CD96: variants seen among roughly 807,000 people sequenced by gnomAD.
The protein encoded by CD96 is CD96 molecule.
CD96 carries 70 observed loss-of-function variants against 71.3 expected under a neutral mutation model. The ratio of observed to expected loss-of-function variants is 0.98; its 90% CI spans 0.81 to 1.20. The LOEUF is 1.20. Ranked by LOEUF, CD96 falls within the 50% of genes most tolerant of loss-of-function variation. The probability of loss-of-function intolerance (pLI) is 0.00; values close to 1 mark genes in which losing one functional copy is unlikely to be tolerated. For synonymous variants in CD96, 248 were observed against 233.0 expected, an observed-to-expected ratio of 1.06 and a Z score of -0.59; for missense variants, 742 against 677.5, an observed-to-expected ratio of 1.10 and a Z score of -1.06.
rs151003757 is a variant in CD96, at chr3:111,652,284, C to T, written c.*2478C>T. ...CTTATTAGTTCTCAAGAAACAAATG[C>T]TAGCTTCATATGTATGGCTGTTGCT... is the stretch of plus-strand genomic sequence containing the variant. On this transcript the variant is annotated 3_prime_UTR_variant, in exon 14 of 14. Transcript: ENST00000352690. 1 of 152,252 alleles carries T rather than the reference C, an allele frequency of 6.6e-6. No homozygotes were observed. Among genetic ancestry groups the T allele is most frequent in the East Asian group, 1.9e-4 (1 of 5,182 alleles). 9.4% of individuals were successfully genotyped at this position (152,252 alleles called of 1,614,324 possible).
intron 4 of CD96, among the ~76,000 whole-genome samples, chr3:111,583,854 C>G (rs1441486768): frequency 1.3e-5 from 2 of 152,214 alleles, no homozygotes; most frequent in African/African-American, 4.8e-5. Context: ...ATGGGAGGGG[C>G]TGCTGTGAAG....
chr3:111,631,375 A>T (rs780338540), intron 10 of CD96, among the ~76,000 whole-genome samples: 1 of 152,178 alleles, frequency 6.6e-6, no homozygotes, highest in Admixed American at 6.5e-5. Context: ...CAGCCAAATC[A>T]TGAATGAATT....
At chr3:111,583,795 G>A (rs555483592) in intron 4 of CD96, among the ~76,000 whole-genome samples, 1 of 152,288 alleles carries the variant, frequency 6.6e-6, no homozygotes, top group Non-Finnish European at 1.5e-5. Context: ...AGGGGACCCT[G>A]GGCCCAGCCC....
intron 14 of CD96, among the ~76,000 whole-genome samples, chr3:111,660,466 A>G (rs993334357): frequency 6.6e-6 from 1 of 152,240 alleles, no homozygotes; most frequent in African/African-American, 2.4e-5. Context: ...ATTCAATGCT[A>G]TTTCTATCAA....
At chr3:111,624,253 T>G (rs1938639188) in intron 9 of CD96, 80 bp from the exon 10 acceptor site, 2 of 938,034 alleles carry the variant, frequency 2.1e-6, no homozygotes, top group South Asian at 2.6e-5. Context: ...TCACATAGAT[T>G]AAAAATTCTG....
At chr3:111,555,135 AG>A (rs1268581536) in intron 2 of CD96, among the ~76,000 whole-genome samples, 21 of 152,104 alleles carry the variant, frequency 1.4e-4, no homozygotes, top group African/African-American at 5.1e-4. Flanking sequence ...ATTCCTTAAC[AG>A]GCCACGGACA....
chr3:111,600,147 T>TAA (rs1404626247), intron 6 of CD96, among the ~76,000 whole-genome samples: 2 of 152,176 alleles, frequency 1.3e-5, no homozygotes, highest in African/African-American at 4.8e-5. Context: ...ATCCTACACT[T>TAA]ACAGCCAGGA....
chr3:111,647,503 G>A lies in CD96; in HGVS notation c.1478-40G>A, dbSNP rs897289849. The A allele has an allele frequency of 4.4e-6, 7 of 1,601,930 alleles. No homozygotes were observed. In the Admixed American group the frequency reaches 6.7e-5, roughly 15 times the overall value. On this transcript the variant is annotated intron_variant, in intron 12 of 13. Coordinates refer to ENST00000352690, the MANE Select transcript of CD96 (RefSeq NM_005816.5). Reference sequence around the variant, plus strand: ...TTAATCCTGTTTTCCAAATGCCAAAGTTTGGGATTAAAGTTCATCTTTCTT... The same window carrying A: ...TTAATCCTGTTTTCCAAATGCCAAAATTTGGGATTAAAGTTCATCTTTCTT...
At chr3:111,585,980 G>A (rs1936695840) in intron 5 of CD96, among the ~76,000 whole-genome samples, 2 of 152,092 alleles carry the variant, frequency 1.3e-5, no homozygotes, top group African/African-American at 4.8e-5. Context: ...TTTCTCTTGC[G>A]AGCTGTGACC....
intron 8 of CD96, among the ~76,000 whole-genome samples, chr3:111,616,262 A>G (rs566342889): frequency 5.1e-4 from 78 of 152,350 alleles, no homozygotes; most frequent in Middle Eastern, 3.4e-3. Context: ...ACCAATAAGT[A>G]TTGATAATTC....
chr3:111,553,405 G>C (rs1934821045), intron 2 of CD96, among the ~76,000 whole-genome samples: 1 of 149,424 alleles, frequency 6.7e-6, no homozygotes, highest in Non-Finnish European at 1.5e-5. Flanking sequence ...TCTTGACAGA[G>C]ACTTGATAAC....
chr3:111,564,516 TTG>T (rs978801651), intron 2 of CD96, among the ~76,000 whole-genome samples: 3 of 152,142 alleles, frequency 2.0e-5, no homozygotes, highest in Non-Finnish European at 4.4e-5. Context: ...TACCTATGTT[TTG>T]TAAGCTTTTT....
chr3:111,542,872 G>A (rs999696599), intron 1 of CD96, among the ~76,000 whole-genome samples: 18 of 152,176 alleles, frequency 1.2e-4, no homozygotes, highest in African/African-American at 4.1e-4. Context: ...AGCCTAATGG[G>A]CCTATTTAAA....
At chr3:111,561,810 C>T (rs1418846874) in intron 2 of CD96, among the ~76,000 whole-genome samples, 3 of 150,374 alleles carry the variant, frequency 2.0e-5, no homozygotes, top group African/African-American at 4.9e-5. Flanking sequence ...CCCCCAGCCT[C>T]GCTGCCGACT....
chr3:111,546,114 AG>A (rs961605735), intron 2 of CD96, among the ~76,000 whole-genome samples: 8 of 152,196 alleles, frequency 5.3e-5, no homozygotes, highest in Non-Finnish European at 1.0e-4. Context: ...AGAGAGTGGT[AG>A]TTCAGGTAGA....
chr3:111,607,977 T>C (rs1383931569), intron 8 of CD96, among the ~76,000 whole-genome samples: 2 of 152,258 alleles, frequency 1.3e-5, no homozygotes, highest in Non-Finnish European at 2.9e-5. Context: ...TATCCATTGC[T>C]GCATTAAAAA....
intron 5 of CD96, among the ~76,000 whole-genome samples, chr3:111,588,788 A>G (rs1243230613): frequency 6.6e-6 from 1 of 152,168 alleles, no homozygotes; most frequent in Non-Finnish European, 1.5e-5. Context: ...CAGCCAAACC[A>G]TATCACTGCT....
intron 5 of CD96, among the ~76,000 whole-genome samples, chr3:111,591,592 C>CT (rs889065497): frequency 1.3e-5 from 2 of 151,922 alleles, no homozygotes; most frequent in Non-Finnish European, 2.9e-5. Flanking sequence ...TTACAGCCTC[C>CT]TTTTTTTTCC....
rs1007680582 is a variant in CD96 at position 111,650,402 on chromosome 3, T to C, written c.*596T>C. The C allele has an allele frequency of 6.2e-6, 1 of 162,336 alleles. No homozygotes were observed. Among genetic ancestry groups the C allele is most frequent in the East Asian group, 1.7e-4 (1 of 5,946 alleles). The allele number at this position is 162,336 out of a possible 1,614,324, so 10.1% of individuals were successfully genotyped here. A position where few individuals can be genotyped will look rare whatever the true frequency, so the allele number is the denominator to read the frequency against. On this transcript the variant is annotated 3_prime_UTR_variant, in exon 14 of 14. Coordinates refer to ENST00000352690, the MANE Select transcript of CD96 (RefSeq NM_005816.5). The stretch of plus-strand genomic sequence containing the variant: ...CCTCCTTCACTGTCTTCCTACCATG[T>C]TCAGCCCAGACTCCTGCCACATGGA...
Sources: gnomAD v4.1 joint callset for allele counts (sites outside exome capture counted in the v4.1 genomes callset) on GRCh38, gnomAD v4.1.1 for gene constraint, MANE v1.5 for transcripts, NCBI Gene and HGNC (gene_info 2026-07-23, HGNC 2026-07-21) for gene names.